Variants in SCRG1 observed in about 807,000 individuals in gnomAD.
SCRG1 encodes the protein stimulator of chondrogenesis 1.
In SCRG1, 3 loss-of-function variants were observed where a neutral mutation model predicts 7.7. The observed-to-expected ratio is 0.39, with a 90% CI of 0.18 to 1.01. The LOEUF (loss-of-function observed/expected upper bound fraction) is 1.01, where lower values mean the gene tolerates loss of function less well. SCRG1 is among the 50% of genes least tolerant of loss of function. SCRG1 has a pLI of 0.36. For synonymous variants in SCRG1, 46 were observed against 41.2 expected, an observed-to-expected ratio of 1.12 and a Z score of -0.44; for missense variants, 110 against 117.2, an observed-to-expected ratio of 0.94 and a Z score of 0.28.
chr4:173,430,274 T>C, the SCRG1 span, among the ~76,000 whole-genome samples: 4 of 152,310 alleles, frequency 2.6e-5, no homozygotes, highest in Admixed American at 2.6e-4. Flanking sequence ...AACCCTAGGC[T>C]GCTCTCACTC....
At chr4:173,483,739 G>T in the SCRG1 span, among the ~76,000 whole-genome samples, 5 of 16,902 alleles carry the variant, frequency 3.0e-4, 1 homozygote, top group South Asian at 8.9e-3. Context: ...TCATATATAT[G>T]ATATATTATA....
the SCRG1 span, among the ~76,000 whole-genome samples, chr4:173,453,644 G>A: frequency 6.6e-6 from 1 of 152,174 alleles, no homozygotes; most frequent in East Asian, 1.9e-4. Flanking sequence ...AAAAAATATG[G>A]TGTGATAATC....
At chr4:173,405,391 T>G (rs138979214) in intron 1 of SCRG1, among the ~76,000 whole-genome samples, 2 of 152,324 alleles carry the variant, frequency 1.3e-5, no homozygotes, top group Non-Finnish European at 2.9e-5. Flanking sequence ...TTCAATCACC[T>G]GGCTCAAGTC....
the SCRG1 span, among the ~76,000 whole-genome samples, chr4:173,483,424 G>GAT: frequency 8.0e-4 from 33 of 41,144 alleles, 5 homozygotes; most frequent in South Asian, 0.02. Flanking sequence ...ATTATATCAT[G>GAT]ATATAGTATA....
chr4:173,494,336 C>A, the SCRG1 span, among the ~76,000 whole-genome samples: 1 of 152,202 alleles, frequency 6.6e-6, no homozygotes, highest in Non-Finnish European at 1.5e-5. Context: ...CGGCTTTAAT[C>A]ATTTCCTTTC....
the SCRG1 span, among the ~76,000 whole-genome samples, chr4:173,466,965 T>G: frequency 6.6e-6 from 1 of 152,168 alleles, no homozygotes; most frequent in African/African-American, 2.4e-5. Flanking sequence ...GGCTATCAAC[T>G]AATTTCTCTA....
the SCRG1 span, among the ~76,000 whole-genome samples, chr4:173,425,550 T>C: frequency 4.6e-5 from 7 of 152,226 alleles, no homozygotes; most frequent in Non-Finnish European, 7.3e-5. Flanking sequence ...GCAGGTATGA[T>C]GGACTACTGT....
Position 173,391,274 on chromosome 4 carries a change from G to A in SCRG1, c.141C>T (p.Asp47=). 9 of 1,614,094 alleles carry A rather than the reference G, an allele frequency of 5.6e-6. No homozygotes were observed. The highest frequency in any genetic ancestry group is 7.6e-6 in the Non-Finnish European group (9 of 1,180,002). Reference sequence around the variant, plus strand: ...GGACATTGACATCAATCTGTGTCAGGTCAGCTACTCCTTCCGGAAGGTTGT... The same window carrying A: ...GGACATTGACATCAATCTGTGTCAGATCAGCTACTCCTTCCGGAAGGTTGT... ...NCHNLPEGVA[D]LTQIDVNVQD... is the part of the protein sequence containing the mutation. Residue 47 remains aspartate (D), a synonymous_variant, in exon 2 of 3, where the codon GAC becomes GAT. Coordinates refer to ENST00000296506, the MANE Select transcript of SCRG1 (RefSeq NM_007281.4).
chr4:173,512,833 A>ATGTAAATGAAGGTGTCATCC, the SCRG1 span, among the ~76,000 whole-genome samples: 3 of 152,230 alleles, frequency 2.0e-5, no homozygotes, highest in Non-Finnish European at 4.4e-5. Flanking sequence ...GGTCACATTG[A>ATGTAAATGAAGGTGTCATCC]TGTAAATGAA....
At chr4:173,516,150 G>A in the SCRG1 span, among the ~76,000 whole-genome samples, 3 of 152,334 alleles carry the variant, frequency 2.0e-5, no homozygotes, top group East Asian at 5.8e-4. Context: ...TTCTCAAAGT[G>A]AGTCTGGGTT....
chr4:173,476,363 A>AATATATATATATAT, the SCRG1 span, among the ~76,000 whole-genome samples: 6 of 98,442 alleles, frequency 6.1e-5, no homozygotes, highest in Admixed American at 4.8e-4. Context: ...GGAAAAAAAA[A>AATATATATATATAT]ATATATATAT....
chr4:173,397,048 G>A lies in SCRG1; in HGVS notation c.-15+2020C>T, dbSNP rs548712321. Among the ~76,000 whole-genome samples the A allele has an allele frequency of 2.6e-4, 40 of 152,052 alleles. No homozygotes were observed. The East Asian group carries it at 3.7e-3, about 14-fold the overall frequency. Reference sequence around the variant, plus strand: ...AGCCTGCGCGATGGAGCCAGACTCCGTCTCAAAAAAATGAAATAAAATAAA... The same window carrying A: ...AGCCTGCGCGATGGAGCCAGACTCCATCTCAAAAAAATGAAATAAAATAAA... On this transcript the variant is annotated intron_variant, in intron 1 of 2. Coordinates refer to ENST00000296506, the MANE Select transcript of SCRG1 (RefSeq NM_007281.4).
the SCRG1 span, chr4:173,467,687 A>G: frequency 6.6e-6 from 1 of 152,334 alleles, no homozygotes; most frequent in Non-Finnish European, 1.5e-5. Context: ...TAGTATCTCT[A>G]GGCTAACTGA....
chr4:173,448,932 G>C, the SCRG1 span, among the ~76,000 whole-genome samples: 1 of 152,352 alleles, frequency 6.6e-6, no homozygotes, highest in Middle Eastern at 3.4e-3. Context: ...TGCATTTAAA[G>C]AGTCTCAGAA....
the SCRG1 span, among the ~76,000 whole-genome samples, chr4:173,484,135 T>TAATATAC: frequency 8.5e-4 from 13 of 15,234 alleles, no homozygotes; most frequent in East Asian, 0.012. Flanking sequence ...ATATAATATA[T>TAATATAC]AATATAGAAT....
At chr4:173,439,860 CT>C in the SCRG1 span, among the ~76,000 whole-genome samples, 3 of 152,150 alleles carry the variant, frequency 2.0e-5, no homozygotes. Context: ...ATTCTTCCTT[CT>C]TTGTTTTGAA....
chr4:173,460,153 G>A, the SCRG1 span, among the ~76,000 whole-genome samples: 1 of 152,134 alleles, frequency 6.6e-6, no homozygotes, highest in Non-Finnish European at 1.5e-5. Flanking sequence ...ATAAGTACCT[G>A]GTTTTAACTT....
the SCRG1 span, among the ~76,000 whole-genome samples, chr4:173,514,926 A>T: frequency 6.6e-6 from 1 of 152,194 alleles, no homozygotes; most frequent in Non-Finnish European, 1.5e-5. Flanking sequence ...TATCTATTCT[A>T]TCCTTTTGCG....
intron 1 of SCRG1, among the ~76,000 whole-genome samples, chr4:173,391,664 C>T (rs991877811): frequency 6.6e-6 from 1 of 152,208 alleles, no homozygotes; most frequent in Non-Finnish European, 1.5e-5. Context: ...GGCACAGTGG[C>T]TCATGCCTGT....
Sources: allele counts gnomAD v4.1 joint callset (sites outside exome capture counted in the v4.1 genomes callset), GRCh38; gene constraint gnomAD v4.1.1; transcripts MANE v1.5; gene names NCBI Gene and HGNC (gene_info 2026-07-23, HGNC 2026-07-21).